The following IFT172 variants were observed in gnomAD, a reference collection of about 807,000 sequenced individuals.
IFT172 encodes the protein intraflagellar transport protein 172 homolog.
A neutral mutation model predicts 248.9 loss-of-function variants in IFT172; 164 were observed. That is an observed-to-expected ratio of 0.66 (90% CI 0.58 to 0.75). IFT172 has a LOEUF of 0.75. IFT172 is among the 30% of genes least tolerant of loss of function. IFT172 has a pLI of 0.00. For missense variants in IFT172, 1,950 were observed against 2,192.4 expected (o/e 0.89, Z 2.21); for synonymous variants, 729 against 791.6 (o/e 0.92, Z 1.33).
chr2:27,489,541 C>T lies in IFT172; in HGVS notation c.39+74G>A, dbSNP rs7583698. The T allele has an allele frequency of 0.056, 63,134 of 1,128,848 alleles. 2,188 individuals are homozygous for T. The highest frequency in any genetic ancestry group is 0.14 in the African/African-American group (9,383 of 65,590). 69.9% of individuals were successfully genotyped at this position (1,128,848 alleles called of 1,614,324 possible). ...TCTGCACACAGTAGGAGGTCAACAT[C>T]ATTAAACTTCAGTTCCCCCACTTTT... On this transcript the variant is annotated intron_variant, in intron 1 of 47. Transcript: ENST00000260570.
rs537094673 is a variant in IFT172, at chr2:27,461,028, G to A, written c.2508C>T (p.Asn836=). 4 of 1,614,100 alleles carry A rather than the reference G, an allele frequency of 2.5e-6. No homozygotes were observed. Among genetic ancestry groups the A allele is most frequent in the South Asian group, 1.1e-5 (1 of 91,076 alleles). The change falls in exon 23 of 48, where the codon AAC becomes AAT. Residue 836 remains asparagine (N), a synonymous_variant. Transcript: ENST00000260570. ...QKALECYRKG[N]AFMKAVELAR... ...GGTGGCTAGTACCTTTCATGAATGC[G>A]TTGCCTTTACGGTAGCACTCCAGGG... is the stretch of plus-strand genomic sequence containing the variant.
At chr2:27,463,280 G>C (rs1572769671) in intron 18 of IFT172, 99 bp from the exon 19 acceptor site, 4 of 1,092,036 alleles carry the variant, frequency 3.7e-6, no homozygotes. Flanking sequence ...TCTATGATGT[G>C]CCAGCCAATG....
Position 27,461,480 on chromosome 2 carries a change from T to C in IFT172, c.2231A>G (p.Tyr744Cys), listed in dbSNP as rs201991482. The C allele has an allele frequency of 8.7e-5, 140 of 1,613,964 alleles. No individual in the cohort carries two copies. Among genetic ancestry groups the C allele is most frequent in the Non-Finnish European group, 1.2e-4 (137 of 1,179,970 alleles). The change falls in exon 22 of 48, where the codon TAC (tyrosine) becomes TGC (cysteine). Residue 744 changes from tyrosine (Y) to cysteine (C), a missense_variant. Around this residue, in one of 3 missense-constraint regions of IFT172, gnomAD observed 1,166 missense variants for 1,254.1 expected, o/e 0.93. Coordinates refer to ENST00000260570, the MANE Select transcript of IFT172 (RefSeq NM_015662.3). ...PALEKLRRSY[Y>C]QWLMDTQQEE... is the part of the protein sequence containing the mutation. Reference sequence around the variant, plus strand: ...TTGCTGTGTGTCCATCAGCCACTGGTAGTAACTACGACGTAGCTTCTCCAG... The same window carrying C: ...TTGCTGTGTGTCCATCAGCCACTGGCAGTAACTACGACGTAGCTTCTCCAG...
chr2:27,479,295 G>T lies in IFT172; in HGVS notation c.1005+214C>A, dbSNP rs1334965130. Among the ~76,000 whole-genome samples, 24 of 152,292 alleles carry T rather than the reference G, an allele frequency of 1.6e-4. No homozygotes were observed. The South Asian group carries it at 4.6e-3, about 29-fold the overall frequency. ...GCTGGGATTACAGGCATGAGCCACT[G>T]TGTCCAGCCAAAACTTTTCTTATAA... On this transcript the variant is annotated intron_variant, in intron 10 of 47. Transcript: ENST00000260570.
chr2:27,466,788 G>A lies in IFT172; in HGVS notation c.1693-906C>T, dbSNP rs1026524780. On this transcript the variant is annotated intron_variant, in intron 16 of 47. Transcript: ENST00000260570. Reference sequence around the variant, plus strand: ...GCACTTTTCGAGACCAAGGTGGGAGGAGCACTTGAGCTCAGGAGTTCAAGA... The same window carrying A: ...GCACTTTTCGAGACCAAGGTGGGAGAAGCACTTGAGCTCAGGAGTTCAAGA... Among the ~76,000 whole-genome samples the A allele has an allele frequency of 1.7e-4, 26 of 151,900 alleles. 2 individuals carry two copies. The highest frequency in any genetic ancestry group is 1.6e-3 in the Admixed American group (24 of 15,236).
chr2:27,481,672 C>G (rs1314843767), intron 7 of IFT172, among the ~76,000 whole-genome samples: 2 of 151,850 alleles, frequency 1.3e-5, no homozygotes, highest in African/African-American at 4.8e-5. Context: ...TCCTGAGTAG[C>G]TGGGATTACA....
Position 27,485,391 on chromosome 2 carries a change from T to C in IFT172, c.152A>G (p.Asp51Gly). The C allele has an allele frequency of 6.2e-7, 1 of 1,614,162 alleles. No individual in the cohort carries two copies. The highest frequency in any genetic ancestry group is 8.5e-7 in the Non-Finnish European group (1 of 1,180,038). The change falls in exon 2 of 48, where the codon GAT becomes GGT. Residue 51 changes from aspartate (D) to glycine (G), a missense_variant. Transcript: ENST00000260570. ...LLYDEHGERRDKFSTKPADMK... is the reference protein window; with the variant it reads ...LLYDEHGERRGKFSTKPADMK... The stretch of plus-strand genomic sequence containing the variant: ...GTCAGCTGGTTTGGTGGAGAATTTA[T>C]CTCTCCGTTCTCCATGTTCATCATA...
rs1665910456 is a variant in IFT172, at chr2:27,453,699, T to A, written c.3752A>T (p.Asp1251Val). 1 of 1,612,298 alleles carries A rather than the reference T, an allele frequency of 6.2e-7. No individual in the cohort carries two copies. Among genetic ancestry groups the A allele is most frequent in the African/African-American group, 1.3e-5 (1 of 74,782 alleles). ...LWSDALRICKDYVPSQLEALQ... is the reference protein window; with the variant it reads ...LWSDALRICKVYVPSQLEALQ... ...AGCCTCCAGCTGGCTGGGCACATAG[T>A]CCTTGCAGATGCGCAGAGCGTCACT... is the stretch of plus-strand genomic sequence containing the variant. The change falls in exon 34 of 48, where the codon GAC becomes GTC. Residue 1251 changes from aspartate (D) to valine (V), a missense_variant. By Grantham distance (152) the Asp-to-Val change is radical. This residue lies in a region of IFT172 where 620 missense variants were observed against 699.0 expected (regional missense o/e 0.89). Transcript: ENST00000260570.
At chr2:27,473,493 G>A (rs1313198988) in intron 14 of IFT172, among the ~76,000 whole-genome samples, 1 of 148,694 alleles carries the variant, frequency 6.7e-6, no homozygotes, top group Non-Finnish European at 1.5e-5. Context: ...TGTATTTTTA[G>A]TAGAGACAGG....
At chr2:27,471,985 C>T (rs1040333517) in intron 15 of IFT172, 1 of 519,362 alleles carries the variant, frequency 1.9e-6, no homozygotes, top group Non-Finnish European at 3.4e-6. Context: ...TTGCAGTGAG[C>T]CCAGATTGTA....
At chr2:27,450,731 C>T (rs953116580) in intron 35 of IFT172, among the ~76,000 whole-genome samples, 1 of 152,054 alleles carries the variant, frequency 6.6e-6, no homozygotes, top group African/African-American at 2.4e-5. Context: ...GCTGGGATTA[C>T]AGGCACCCAC....
At chr2:27,485,608 G>A (rs965087525) in intron 1 of IFT172, 105 bp from the exon 2 acceptor site, 2 of 1,333,782 alleles carry the variant, frequency 1.5e-6, no homozygotes, top group Admixed American at 2.2e-5. Context: ...TTTTCTTCCT[G>A]TCACGGTTCT....
Position 27,447,508 on chromosome 2 carries a change from A to T in IFT172, c.4659+7T>A. ...ACTGAGTGTTCCTTCGACCCCCTAC[A>T]TCTCACCAGCTGTTTGACACTCTGG... is the stretch of plus-strand genomic sequence containing the variant. On this transcript the variant is annotated splice_region_variant and intron_variant, in intron 42 of 47. Transcript: ENST00000260570. 6.2e-7 allele frequency: 1 copy of T among 1,613,778 alleles called. No homozygotes were observed. Among genetic ancestry groups the T allele is most frequent in the Non-Finnish European group, 8.5e-7 (1 of 1,179,836 alleles).
chr2:27,450,593 T>TGAAAAA (rs1157532870), intron 35 of IFT172, among the ~76,000 whole-genome samples: 2 of 152,180 alleles, frequency 1.3e-5, no homozygotes, highest in Non-Finnish European at 2.9e-5. Flanking sequence ...ATGGTAGTAT[T>TGAAAAA]TTATTTAATT....
intron 18 of IFT172, among the ~76,000 whole-genome samples, chr2:27,463,529 CTTTTTTT>C (rs35768559): frequency 5.4e-5 from 7 of 129,730 alleles, no homozygotes; most frequent in African/African-American, 8.6e-5. Flanking sequence ...ATTCTTTTCT[CTTTTTTT>C]TTTTTTTTTT....
chr2:27,480,962 C>T, intron 8 of IFT172, 84 bp downstream of exon 8: 1 of 1,032,374 alleles, frequency 9.7e-7, no homozygotes, highest in Non-Finnish European at 1.5e-6. Context: ...TCCAGTCTCG[C>T]ACTCTGGCTC....
At chr2:27,487,508 T>C (rs114657125) in intron 1 of IFT172, among the ~76,000 whole-genome samples, 1,588 of 152,314 alleles carry the variant, frequency 0.01, 26 homozygotes, top group African/African-American at 0.037. Context: ...CTTTTACAGA[T>C]AGATGAATGG....
rs188339109 is a variant in IFT172, at chr2:27,448,321, G to A, written c.4429-399C>T. On this transcript the variant is annotated intron_variant, in intron 40 of 47. Transcript: ENST00000260570. ...TCACCGTGTTAGCCACAATGGTCTC[G>A]ATCTCCTGACCTCGTAATCCGCCTG... is the stretch of plus-strand genomic sequence containing the variant. 1.1e-3 allele frequency among the ~76,000 whole-genome samples: 167 copies of A among 152,232 alleles called. 1 individual carries two copies. Among genetic ancestry groups the A allele is most frequent in the African/African-American group, 3.4e-3 (142 of 41,548 alleles).
rs926937934 is a variant in IFT172, at chr2:27,449,728, T to C, written c.4123A>G (p.Asn1375Asp). The change falls in exon 37 of 48, where the codon AAC (asparagine) becomes GAC (aspartate). Residue 1375 changes from asparagine (N) to aspartate (D), a missense_variant. Asn to Asp is a conservative substitution (Grantham distance 23). Around this residue, in one of 3 missense-constraint regions of IFT172, gnomAD observed 620 missense variants for 699.0 expected, o/e 0.89. Coordinates refer to ENST00000260570, the MANE Select transcript of IFT172 (RefSeq NM_015662.3). ...TCCTTAGCTACACGCTTCGCCTTGT[T>C]CCACTCCTCACCCTCGATGAAAGCA... ...IDAFIEGEEWNKAKRVAKELD... is the reference protein window; with the variant it reads ...IDAFIEGEEWDKAKRVAKELD... The C allele has an allele frequency of 6.2e-7, 1 of 1,613,966 alleles. No homozygotes were observed. Among genetic ancestry groups the C allele is most frequent in the African/African-American group, 1.3e-5 (1 of 74,928 alleles).
Sources: allele counts gnomAD v4.1 joint callset (sites outside exome capture counted in the v4.1 genomes callset), GRCh38; gene constraint gnomAD v4.1.1; regional missense constraint gnomAD v4.1.1; transcripts MANE v1.5; gene names NCBI Gene and HGNC (gene_info 2026-07-23, HGNC 2026-07-21).